TXNDC16: variants seen among roughly 807,000 people sequenced by gnomAD.
TXNDC16 encodes thioredoxin domain-containing protein 16.
In TXNDC16, 74 loss-of-function variants were observed where a neutral mutation model predicts 85.6. The observed-to-expected ratio is 0.86, with a 90% CI of 0.72 to 1.05. The LOEUF (loss-of-function observed/expected upper bound fraction) is 1.05, where lower values mean the gene tolerates loss of function less well. Among genes scored for constraint, TXNDC16 ranks in the 50% least tolerant of loss-of-function variants. The pLI, the probability that TXNDC16 is intolerant of heterozygous loss-of-function variation, is 0.00. For synonymous variants in TXNDC16, 335 were observed against 326.5 expected (o/e 1.03, Z -0.28); for missense variants, 959 against 947.0 (o/e 1.01, Z -0.17).
At chr14:52,435,795 TACAAAAACAAAAACAAAG>T (rs1318125903) in intron 20 of TXNDC16, among the ~76,000 whole-genome samples, 1 of 151,472 alleles carries the variant, frequency 6.6e-6, no homozygotes, top group Non-Finnish European at 1.5e-5. Context: ...ACCCTGTCTC[TACAAAAACAAAAACAAAG>T]ACAAAAACAA....
At chr14:52,543,251 G>T (rs779428980) in intron 3 of TXNDC16, 147 bp downstream of exon 3, 19 of 841,910 alleles carry the variant, frequency 2.3e-5, no homozygotes, top group Non-Finnish European at 3.3e-5. Flanking sequence ...AAGCGGCACG[G>T]GCCGGATTCA....
At chr14:52,506,907 T>C (rs981831083) in intron 9 of TXNDC16, among the ~76,000 whole-genome samples, 18 of 151,176 alleles carry the variant, frequency 1.2e-4, no homozygotes, top group Non-Finnish European at 2.4e-4. Flanking sequence ...ATTGATGGGA[T>C]GTATCTCAAA....
At chr14:52,511,490 T>C (rs1231564775) in intron 8 of TXNDC16, 100 bp from the exon 9 acceptor site, 15 of 701,526 alleles carry the variant, frequency 2.1e-5, no homozygotes, top group South Asian at 4.4e-5. Flanking sequence ...TCTCATGCTT[T>C]TGAATTATTA....
intron 9 of TXNDC16, among the ~76,000 whole-genome samples, chr14:52,497,126 TATTA>T (rs1358475425): frequency 6.6e-6 from 1 of 152,182 alleles, no homozygotes; most frequent in Non-Finnish European, 1.5e-5. Flanking sequence ...CATGTATTAC[TATTA>T]AATAACTAAA....
intron 6 of TXNDC16, among the ~76,000 whole-genome samples, chr14:52,530,258 T>TATAATAATATATATATTATTATATA (rs552800699): frequency 0.14 from 8,184 of 59,320 alleles, 748 homozygotes; most frequent in African/African-American, 0.18. Context: ...ATATATATTA[T>TATAATAATATATATATTATTATATA]ATAATATATA....
intron 18 of TXNDC16, among the ~76,000 whole-genome samples, chr14:52,446,174 A>G (rs974969564): frequency 3.9e-5 from 6 of 152,200 alleles, no homozygotes; most frequent in Non-Finnish European, 8.8e-5. Context: ...AGAGGTAGGA[A>G]AAACAGTCTT....
intron 18 of TXNDC16, among the ~76,000 whole-genome samples, chr14:52,454,182 T>C (rs2035474638): frequency 1.3e-5 from 2 of 152,116 alleles, no homozygotes; most frequent in Admixed American, 6.5e-5. Context: ...TCTCAGCACT[T>C]TGGGAGGCCA....
chr14:52,506,599 G>A (rs1349763348), intron 9 of TXNDC16, among the ~76,000 whole-genome samples: 1 of 126,062 alleles, frequency 7.9e-6, no homozygotes, highest in African/African-American at 3.2e-5. Flanking sequence ...GCCCAGGCCA[G>A]ACTGCGGACT....
intron 5 of TXNDC16, 47 bp downstream of exon 5, chr14:52,537,552 G>C (rs1317174429): frequency 1.6e-6 from 2 of 1,273,384 alleles, no homozygotes; most frequent in Non-Finnish European, 2.3e-6. Context: ...GAATATTCTA[G>C]AAGTATAGCT....
At chr14:52,495,373 G>A (rs1318896064) in intron 9 of TXNDC16, among the ~76,000 whole-genome samples, 1 of 152,122 alleles carries the variant, frequency 6.6e-6, no homozygotes, top group African/African-American at 2.4e-5. Context: ...TCAAGAATGA[G>A]CAAATAAAGA....
Position 52,432,371 on chromosome 14 carries a change from T to C in TXNDC16, c.2411A>G (p.Asn804Ser), listed in dbSNP as rs149044076. The change falls in exon 21 of 21, where the codon AAT (asparagine) becomes AGT (serine). Residue 804 changes from asparagine to serine, a missense_variant. Physicochemically the swap from Asn to Ser is conservative, Grantham distance 46 (BLOSUM62 1). Transcript: ENST00000281741. ...TGATTTTTCTGCTTCTTTAAACCAATTACTTCTATTCCAATGCTTTATTCT... is the reference window on the plus strand; with the variant it reads ...TGATTTTTCTGCTTCTTTAAACCAACTACTTCTATTCCAATGCTTTATTCT... ...TLRIKHWNRS[N>S]WFKEAEKSFR... The C allele has an allele frequency of 1.1e-5, 18 of 1,613,822 alleles. No individual in the cohort carries two copies. The African/African-American group carries it at 2.0e-4, about 18-fold the overall frequency.
At chr14:52,509,131 A>C (rs1027966268) in intron 9 of TXNDC16, among the ~76,000 whole-genome samples, 1 of 152,096 alleles carries the variant, frequency 6.6e-6, no homozygotes, top group Non-Finnish European at 1.5e-5. Flanking sequence ...CCTCCTTATT[A>C]TCTATCAAAG....
At chr14:52,439,853 G>GT (rs1368105773) in intron 19 of TXNDC16, among the ~76,000 whole-genome samples, 2 of 151,826 alleles carry the variant, frequency 1.3e-5, no homozygotes, top group Non-Finnish European at 2.9e-5. Context: ...AATTAAAGAA[G>GT]TAGAAATAAT....
intron 16 of TXNDC16, among the ~76,000 whole-genome samples, chr14:52,461,261 G>A (rs953528603): frequency 2.0e-5 from 3 of 151,552 alleles, no homozygotes; most frequent in Non-Finnish European, 4.4e-5. Flanking sequence ...TAAAAACCTA[G>A]AAATTAATTT....
intron 9 of TXNDC16, among the ~76,000 whole-genome samples, chr14:52,495,699 T>A (rs1178901470): frequency 6.6e-6 from 1 of 152,158 alleles, no homozygotes; most frequent in East Asian, 1.9e-4. Flanking sequence ...CTTCCATGTG[T>A]AAAATACACA....
At chr14:52,537,510 T>A (rs2037730703) in intron 5 of TXNDC16, 89 bp downstream of exon 5, 1 of 1,016,256 alleles carries the variant, frequency 9.8e-7, no homozygotes, top group African/African-American at 1.6e-5. Context: ...TACATATGAC[T>A]TTATTCTAGC....
rs77814299 is a variant in TXNDC16, at chr14:52,433,577, T to C, written c.2195-990A>G. On this transcript the variant is annotated intron_variant, in intron 20 of 20. Coordinates refer to ENST00000281741, the MANE Select transcript of TXNDC16 (RefSeq NM_020784.3). ...TTTAAGAGCTTAGAAAAAACATATA[T>C]ATTGCAATTTCCTAGAGTAAAGCTC... Among the ~76,000 whole-genome samples the C allele has an allele frequency of 4.9e-3, 746 of 152,338 alleles. 14 individuals carry two copies. Among genetic ancestry groups the C allele is most frequent in the Admixed American group, 0.039 (603 of 15,298 alleles).
intron 16 of TXNDC16, among the ~76,000 whole-genome samples, chr14:52,465,237 T>G (rs1459517595): frequency 6.6e-6 from 1 of 151,946 alleles, no homozygotes; most frequent in African/African-American, 2.4e-5. Flanking sequence ...GAAATCCAAC[T>G]CAAGAAAAGA....
chr14:52,497,980 T>C (rs2036571651), intron 9 of TXNDC16, among the ~76,000 whole-genome samples: 4 of 151,558 alleles, frequency 2.6e-5, no homozygotes, highest in Admixed American at 2.6e-4. Flanking sequence ...AATGCAAGGA[T>C]GGTTTGACAC....
Sources: gnomAD v4.1 joint callset for allele counts (sites outside exome capture counted in the v4.1 genomes callset) on GRCh38, gnomAD v4.1.1 for gene constraint, MANE v1.5 for transcripts, NCBI Gene and HGNC (gene_info 2026-07-23, HGNC 2026-07-21) for gene names.